TUBGCP3: variants seen among roughly 807,000 people sequenced by gnomAD.
TUBGCP3 encodes gamma-tubulin complex component 3.
TUBGCP3 carries 50 observed loss-of-function variants against 123.1 expected under a neutral mutation model. The ratio of observed to expected loss-of-function variants is 0.41; its 90% CI spans 0.32 to 0.51. TUBGCP3 has a LOEUF of 0.51. TUBGCP3 is among the 20% of genes least tolerant of loss of function. The pLI is 0.36. For missense variants in TUBGCP3, 882 were observed against 1,127.0 expected (o/e 0.78, Z 3.11); for synonymous variants, 405 against 413.9 (o/e 0.98, Z 0.26).
chr13:112,549,713 GGT>G (rs1879392355), intron 8 of TUBGCP3, among the ~76,000 whole-genome samples: 1 of 152,028 alleles, frequency 6.6e-6, no homozygotes, highest in Non-Finnish European at 1.5e-5. Context: ...TAGGAGGCCG[GGT>G]GCAGTGGCTC....
intron 1 of TUBGCP3, 91 bp from the exon 2 acceptor site, chr13:112,569,350 T>C (rs1881225608): frequency 4.4e-6 from 5 of 1,133,830 alleles, no homozygotes; most frequent in Middle Eastern, 2.0e-4. Context: ...GAACTAGTAA[T>C]AACATCTATC....
At chr13:112,498,044 ACATG>A (rs927040459) in intron 20 of TUBGCP3, among the ~76,000 whole-genome samples, 43 of 152,330 alleles carry the variant, frequency 2.8e-4, no homozygotes, top group African/African-American at 9.6e-4. Flanking sequence ...ACACACACAC[ACATG>A]CATGTACCTG....
chr13:112,485,851 G>A lies in TUBGCP3; in HGVS notation c.*142C>T, dbSNP rs563117869. The A allele has an allele frequency of 3.2e-5, 26 of 822,560 alleles. No individual in the cohort carries two copies. Among genetic ancestry groups the A allele is most frequent in the Admixed American group, 6.1e-5 (2 of 32,988 alleles). 51.0% of individuals were successfully genotyped at this position (822,560 alleles called of 1,614,324 possible). A position where few individuals can be genotyped will look rare whatever the true frequency, so the allele number is the denominator to read the frequency against. On this transcript the variant is annotated 3_prime_UTR_variant, in exon 22 of 22. Coordinates refer to ENST00000261965, the MANE Select transcript of TUBGCP3 (RefSeq NM_006322.6). ...AAACACGACGTGGCTTCTCCCACAC[G>A]CCGCTCCGCTGAAACATGGCGCACT... is the stretch of plus-strand genomic sequence containing the variant.
At chr13:112,489,956 A>G (rs1348772278) in intron 20 of TUBGCP3, 1 of 508,684 alleles carries the variant, frequency 2.0e-6, no homozygotes, top group Admixed American at 3.4e-5. Context: ...ATTGTATAAC[A>G]TGTAACAAGG....
Position 112,522,396 on chromosome 13 carries a change from C to A in TUBGCP3, c.1669G>T (p.Asp557Tyr). ...TACCGCCTCATTGCCTGCATGTGGT[C>A]CAGCAAGCTGTACTTTTTATTGAGA... ...DVLNKKYSLL[D>Y]HMQAMRRYLL... The change falls in exon 14 of 22, where the codon GAC becomes TAC. Residue 557 changes from aspartate (D) to tyrosine (Y), a missense_variant. Asp to Tyr is a radical substitution (Grantham distance 160). Coordinates refer to ENST00000261965, the MANE Select transcript of TUBGCP3 (RefSeq NM_006322.6). The A allele has an allele frequency of 6.2e-7, 1 of 1,614,052 alleles. No individual in the cohort carries two copies. Among genetic ancestry groups the A allele is most frequent in the Non-Finnish European group, 8.5e-7 (1 of 1,179,930 alleles).
chr13:112,488,810 G>A (rs1423920379), intron 21 of TUBGCP3, among the ~76,000 whole-genome samples: 1 of 132,334 alleles, frequency 7.6e-6, no homozygotes, highest in Non-Finnish European at 1.6e-5. Flanking sequence ...GAGCAAAGGG[G>A]TCACCCCCAG....
At position 112,489,933 on chromosome 13, in the gene TUBGCP3, T is replaced by C. The variant is rs573885105; in HGVS notation, c.2449-236A>G. 446 of 542,428 alleles carry C rather than the reference T, an allele frequency of 8.2e-4. 14 individuals carry two copies. In the South Asian group the frequency reaches 0.011, roughly 13 times the overall value. 33.6% of individuals were successfully genotyped at this position (542,428 alleles called of 1,614,324 possible). A position where few individuals can be genotyped will look rare whatever the true frequency, so the allele number is the denominator to read the frequency against. On this transcript the variant is annotated intron_variant, in intron 20 of 21. Coordinates refer to ENST00000261965, the MANE Select transcript of TUBGCP3 (RefSeq NM_006322.6). ...AACACATTTGAGACTGCCTCTGTTGTTTTTAATATCACATTGTATAACATG... is the reference window on the plus strand; with the variant it reads ...AACACATTTGAGACTGCCTCTGTTGCTTTTAATATCACATTGTATAACATG...
rs569718314 is a variant in TUBGCP3, at chr13:112,544,269, C to G, written c.1335+1430G>C. On this transcript the variant is annotated intron_variant, in intron 11 of 21. Transcript: ENST00000261965. ...GAGATCGAGACCATCCTGGCTAACA[C>G]AGTGAAACCCCGTCTCTACTAAAAA... 1.1e-3 allele frequency among the ~76,000 whole-genome samples: 165 copies of G among 152,008 alleles called. 1 individual carries two copies. Among genetic ancestry groups the G allele is most frequent in the African/African-American group, 3.6e-3 (148 of 41,468 alleles).
Position 112,588,019 on chromosome 13 carries a change from G to A in TUBGCP3, c.-39C>T, listed in dbSNP as rs746377794. 2.1e-5 allele frequency: 30 copies of A among 1,403,596 alleles called. No homozygotes were observed. The highest frequency in any genetic ancestry group is 3.7e-6 in the Non-Finnish European group (4 of 1,067,272). The allele number at this position is 1,403,596 out of a possible 1,614,324, so 86.9% of individuals were successfully genotyped here. Reference sequence around the variant, plus strand: ...CGTGCACGGTGGTCCGGGCAGAGCCGCCACTGCCGCCGCACGCGCAGGGAC... The same window carrying A: ...CGTGCACGGTGGTCCGGGCAGAGCCACCACTGCCGCCGCACGCGCAGGGAC... On this transcript the variant is annotated 5_prime_UTR_variant, in exon 1 of 22. Coordinates refer to ENST00000261965, the MANE Select transcript of TUBGCP3 (RefSeq NM_006322.6).
intron 21 of TUBGCP3, among the ~76,000 whole-genome samples, chr13:112,486,807 G>T (rs1388058906): frequency 6.6e-6 from 1 of 152,236 alleles, no homozygotes; most frequent in Non-Finnish European, 1.5e-5. Flanking sequence ...CAGTGCTGGA[G>T]CCTGCTGCAT....
chr13:112,572,089 C>A (rs969801313), intron 1 of TUBGCP3, among the ~76,000 whole-genome samples: 1 of 152,120 alleles, frequency 6.6e-6, no homozygotes, highest in African/African-American at 2.4e-5. Flanking sequence ...TTTGTAATTT[C>A]CTTCAAGAAC....
At chr13:112,586,478 G>A (rs1882618427) in intron 1 of TUBGCP3, among the ~76,000 whole-genome samples, 1 of 152,148 alleles carries the variant, frequency 6.6e-6, no homozygotes, top group Non-Finnish European at 1.5e-5. Flanking sequence ...AGGAAACTCA[G>A]TCTGCTAATG....
At chr13:112,546,096 T>C (rs1365579056) in intron 10 of TUBGCP3, 1 of 450,554 alleles carries the variant, frequency 2.2e-6, no homozygotes, top group East Asian at 3.3e-5. Context: ...CACTCTTCTC[T>C]TTAGGACTGC....
intron 1 of TUBGCP3, among the ~76,000 whole-genome samples, chr13:112,579,728 C>G (rs1391037704): frequency 6.6e-6 from 1 of 152,266 alleles, no homozygotes; most frequent in African/African-American, 2.4e-5. Flanking sequence ...CTCTCCCACA[C>G]TGCTGGTGCA....
chr13:112,520,085 G>A (rs189045997), intron 14 of TUBGCP3, 64 bp from the exon 15 acceptor site: 120 of 1,473,398 alleles, frequency 8.1e-5, no homozygotes, highest in Non-Finnish European at 1.0e-4. Context: ...TTTAAAAAAC[G>A]TATAAACTAT....
At chr13:112,569,047 T>C (rs1466333419) in intron 2 of TUBGCP3, 105 bp downstream of exon 2, 4 of 966,228 alleles carry the variant, frequency 4.1e-6, no homozygotes, top group Non-Finnish European at 1.6e-6. Context: ...AATATTAAAA[T>C]GCGCTTGGGA....
At chr13:112,546,076 G>C (rs1878962127) in intron 10 of TUBGCP3, 2 of 514,592 alleles carry the variant, frequency 3.9e-6, no homozygotes, top group Non-Finnish European at 6.9e-6. Context: ...CTTTACACAA[G>C]TGTGTGAGTC....
the TUBGCP3 span, chr13:112,604,476 T>G: frequency 1.3e-5 from 2 of 152,232 alleles, no homozygotes; most frequent in Admixed American, 6.5e-5. Flanking sequence ...GTTTTAATTT[T>G]TTGTAGAGAT....
At chr13:112,491,248 C>G (rs1880084325) in intron 20 of TUBGCP3, among the ~76,000 whole-genome samples, 1 of 152,118 alleles carries the variant, frequency 6.6e-6, no homozygotes, top group Non-Finnish European at 1.5e-5. Context: ...TACTTTCATT[C>G]TCTCCAATTT....
Sources: allele counts gnomAD v4.1 joint callset (sites outside exome capture counted in the v4.1 genomes callset), GRCh38; gene constraint gnomAD v4.1.1; transcripts MANE v1.5; gene names NCBI Gene and HGNC (gene_info 2026-07-23, HGNC 2026-07-21).